Variants in ZNF618 observed in about 807,000 individuals in gnomAD.
The protein encoded by ZNF618 is zinc finger protein 618, also known as neural precursor cell expressed, developmentally down-regulated 10.
ZNF618 carries 34 observed loss-of-function variants against 103.0 expected under a neutral mutation model. The ratio of observed to expected loss-of-function variants is 0.33; its 90% CI spans 0.25 to 0.44. The LOEUF is 0.44. Among genes scored for constraint, ZNF618 ranks in the 20% least tolerant of loss-of-function variants. ZNF618 has a pLI of 1.00. For synonymous variants in ZNF618, 551 were observed against 542.2 expected (o/e 1.02, Z -0.23); for missense variants, 1,059 against 1,295.4 (o/e 0.82, Z 2.80).
chr9:113,998,592 T>C (rs7020561), intron 4 of ZNF618, among the ~76,000 whole-genome samples: 84,174 of 152,148 alleles, frequency 0.55, 23,648 homozygotes, highest in Middle Eastern at 0.7. Context: ...ACGCCTAGAA[T>C]GTCCAGAGCA....
At chr9:113,918,539 CT>C (rs1409337495) in intron 1 of ZNF618, among the ~76,000 whole-genome samples, 1 of 152,146 alleles carries the variant, frequency 6.6e-6, no homozygotes, top group African/African-American at 2.4e-5. Context: ...TGGAATTGTA[CT>C]GTAGAAAGAT....
At chr9:113,962,212 A>G (rs1267640522) in intron 1 of ZNF618, among the ~76,000 whole-genome samples, 1 of 152,204 alleles carries the variant, frequency 6.6e-6, no homozygotes, top group Non-Finnish European at 1.5e-5. Flanking sequence ...GCTAAGGCCC[A>G]TGATTTTTGG....
chr9:113,972,487 A>G (rs923610465), intron 2 of ZNF618, among the ~76,000 whole-genome samples: 1 of 152,082 alleles, frequency 6.6e-6, no homozygotes, highest in Non-Finnish European at 1.5e-5. Context: ...TAGGCAGTAG[A>G]GCCAGGAAGT....
intron 1 of ZNF618, among the ~76,000 whole-genome samples, chr9:113,900,310 C>T (rs1380821630): frequency 6.6e-6 from 1 of 152,160 alleles, no homozygotes; most frequent in Non-Finnish European, 1.5e-5. Flanking sequence ...GATCTGCCCA[C>T]CTCGGCCTCC....
intron 1 of ZNF618, among the ~76,000 whole-genome samples, chr9:113,902,340 GT>G (rs1830641227): frequency 6.6e-6 from 1 of 152,160 alleles, no homozygotes; most frequent in Admixed American, 6.5e-5. Context: ...GATGCTACCT[GT>G]TTTCTTTCCC....
At chr9:114,041,962 C>G (rs1845227213) in intron 13 of ZNF618, among the ~76,000 whole-genome samples, 2 of 152,348 alleles carry the variant, frequency 1.3e-5, no homozygotes, top group South Asian at 4.1e-4. Flanking sequence ...TATCCATGAG[C>G]ATGGAATGTT....
intron 1 of ZNF618, among the ~76,000 whole-genome samples, chr9:113,905,726 T>G (rs552978360): frequency 1.3e-5 from 2 of 152,278 alleles, no homozygotes; most frequent in South Asian, 4.1e-4. Context: ...AGCACTTGGG[T>G]GAAGCCGTTG....
At chr9:114,044,257 C>T (rs763615035) in intron 13 of ZNF618, among the ~76,000 whole-genome samples, 12 of 152,064 alleles carry the variant, frequency 7.9e-5, no homozygotes, top group African/African-American at 2.9e-4. Flanking sequence ...TTTATTCTTC[C>T]ACATGTGGCT....
At chr9:113,900,941 C>T (rs1273057303) in intron 1 of ZNF618, among the ~76,000 whole-genome samples, 6 of 59,006 alleles carry the variant, frequency 1.0e-4, no homozygotes, top group Admixed American at 4.1e-4. Context: ...TAGCACCGTC[C>T]TCTCCCGCGA....
Position 113,879,413 on chromosome 9 carries a change from T to TA in ZNF618, c.33+3003dup, listed in dbSNP as rs1554715442. Among the ~76,000 whole-genome samples, 306 of 146,002 alleles carry TA rather than the reference T, an allele frequency of 2.1e-3. 1 individual carries two copies. Among genetic ancestry groups the TA allele is most frequent in the African/African-American group, 7.2e-3 (286 of 39,716 alleles). ...TTTTTTTCTGTTTTTTTTTTTTTTT[T>TA]AAATTGGTTATTCTGATCATGTTTG... On this transcript the variant is annotated intron_variant, in intron 1 of 14. Transcript: ENST00000374126.
chr9:113,965,818 G>A (rs73658309), intron 1 of ZNF618, among the ~76,000 whole-genome samples: 1,538 of 152,284 alleles, frequency 0.01, 22 homozygotes, highest in African/African-American at 0.035. Context: ...GCTGCAGTGG[G>A]AGTTTCCATT....
chr9:113,879,717 C>G (rs1280639601), intron 1 of ZNF618, among the ~76,000 whole-genome samples: 1 of 150,050 alleles, frequency 6.7e-6, no homozygotes, highest in Non-Finnish European at 1.5e-5. Flanking sequence ...GGCGAAAGAT[C>G]GTTTATATTC....
At position 114,048,106 on chromosome 9, in the gene ZNF618, T is replaced by C. The variant is rs541145998; in HGVS notation, c.1348+112T>C. 12 of 955,898 alleles carry C rather than the reference T, an allele frequency of 1.3e-5. No individual in the cohort carries two copies. In the African/African-American group the frequency reaches 1.3e-4, roughly 11 times the overall value. 59.2% of individuals were successfully genotyped at this position (955,898 alleles called of 1,614,324 possible). On this transcript the variant is annotated intron_variant, in intron 14 of 14. Coordinates refer to ENST00000374126, the MANE Select transcript of ZNF618 (RefSeq NM_001318042.2). ...TCCTGTGATGTTGTAAGATGATGCA[T>C]GATAGTTTCCAAAGCACTTTTACAC...
intron 11 of ZNF618, among the ~76,000 whole-genome samples, chr9:114,029,471 C>T (rs1044178200): frequency 7.2e-5 from 11 of 152,162 alleles, no homozygotes; most frequent in East Asian, 1.9e-4. Context: ...ATCCTCACCA[C>T]GCCTTACTGC....
intron 2 of ZNF618, among the ~76,000 whole-genome samples, chr9:113,985,448 G>A (rs1031788558): frequency 6.6e-6 from 1 of 152,246 alleles, no homozygotes; most frequent in Non-Finnish European, 1.5e-5. Context: ...TTCTAGTTAT[G>A]TCTTAGGCCT....
At chr9:113,968,908 C>T (rs922292620) in intron 1 of ZNF618, among the ~76,000 whole-genome samples, 6 of 152,240 alleles carry the variant, frequency 3.9e-5, no homozygotes, top group Middle Eastern at 3.4e-3. Context: ...TTTAAAGGGC[C>T]AAGCAAATGG....
At chr9:113,999,442 T>C (rs1840964670) in intron 4 of ZNF618, among the ~76,000 whole-genome samples, 1 of 152,148 alleles carries the variant, frequency 6.6e-6, no homozygotes, top group South Asian at 2.1e-4. Context: ...CACACAGTGC[T>C]CAGTCCAGAG....
intron 10 of ZNF618, among the ~76,000 whole-genome samples, chr9:114,022,070 GC>G (rs1398812430): frequency 6.6e-6 from 1 of 152,062 alleles, no homozygotes; most frequent in Middle Eastern, 3.2e-3. Flanking sequence ...TTGTGTACAA[GC>G]CTTTGTAAGG....
chr9:114,035,229 C>T (rs1001560760), intron 12 of ZNF618: 51 of 985,952 alleles, frequency 5.2e-5, no homozygotes, highest in Admixed American at 1.2e-4. Flanking sequence ...TTTCCCTCTC[C>T]TACAGAGTAA....
Sources: gnomAD v4.1 joint callset for allele counts (sites outside exome capture counted in the v4.1 genomes callset) on GRCh38, gnomAD v4.1.1 for gene constraint, MANE v1.5 for transcripts, NCBI Gene and HGNC (gene_info 2026-07-23, HGNC 2026-07-21) for gene names.